The following GBF1 variants were observed in gnomAD, a reference collection of about 807,000 sequenced individuals.
GBF1 encodes golgi brefeldin A resistant guanine nucleotide exchange factor 1, also known as Golgi-specific brefeldin A-resistance guanine nucleotide exchange factor 1.
A neutral mutation model predicts 210.5 loss-of-function variants in GBF1; 114 were observed. The ratio of observed to expected loss-of-function variants is 0.54; its 90% CI spans 0.47 to 0.63. The LOEUF (loss-of-function observed/expected upper bound fraction) is 0.63, where lower values mean the gene tolerates loss of function less well. GBF1 is among the 30% of genes least tolerant of loss of function. GBF1 has a pLI of 0.00. For synonymous variants in GBF1, 850 were observed against 889.2 expected, an observed-to-expected ratio of 0.96 and a Z score of 0.78; for missense variants, 1,851 against 2,357.7, an observed-to-expected ratio of 0.79 and a Z score of 4.45.
At chr10:102,297,246 C>T (rs1431164901) in intron 3 of GBF1, among the ~76,000 whole-genome samples, 1 of 152,120 alleles carries the variant, frequency 6.6e-6, no homozygotes, top group African/African-American at 2.4e-5. Context: ...AAGTCCAGAG[C>T]ACTAAGCAAG....
At chr10:102,322,688 C>G (rs2056511213) in intron 3 of GBF1, among the ~76,000 whole-genome samples, 2 of 127,784 alleles carry the variant, frequency 1.6e-5, no homozygotes, top group African/African-American at 5.9e-5. Context: ...TTGAGACCAG[C>G]CTGGGCAACA....
At chr10:102,313,889 A>G (rs1384197947) in intron 3 of GBF1, among the ~76,000 whole-genome samples, 8 of 152,142 alleles carry the variant, frequency 5.3e-5, no homozygotes, top group Admixed American at 4.6e-4. Flanking sequence ...ACAAGGGCCA[A>G]AAGGAGGCTG....
chr10:102,309,625 T>C (rs2133958409), intron 3 of GBF1, among the ~76,000 whole-genome samples: 1 of 152,352 alleles, frequency 6.6e-6, no homozygotes, highest in African/African-American at 2.4e-5. Flanking sequence ...GAGGAGATTC[T>C]TGTGCACTGT....
Position 102,363,309 on chromosome 10 carries a change from G to A in GBF1, c.1930G>A (p.Gly644Ser). The change falls in exon 16 of 40, where the codon GGC (glycine) becomes AGC (serine). Residue 644 changes from glycine (G) to serine (S), a missense_variant. Physicochemically the swap from Gly to Ser is moderately conservative, Grantham distance 56. Coordinates refer to ENST00000369983, the MANE Select transcript of GBF1 (RefSeq NM_001377137.1). The surrounding 1 kb of genome is among the most constrained non-coding windows in gnomAD (Gnocchi z 4.2). Reference sequence around the variant, plus strand: ...TGTAGGCATGGCCTCAGACATCCCAGGCCTGCATCTGCCAGGTGGAGGGCG... The same window carrying A: ...TGTAGGCATGGCCTCAGACATCCCAAGCCTGCATCTGCCAGGTGGAGGGCG... The part of the protein sequence containing the change: ...KAVGMASDIP[G>S]LHLPGGGRLP... 1 of 1,613,902 alleles carries A rather than the reference G, an allele frequency of 6.2e-7. No homozygotes were observed. The highest frequency in any genetic ancestry group is 2.2e-5 in the East Asian group (1 of 44,888).
chr10:102,359,778 CT>C lies in GBF1; in HGVS notation c.1180+358del, dbSNP rs57877868. 4.0e-3 allele frequency among the ~76,000 whole-genome samples: 552 copies of C among 139,168 alleles called. 2 individuals carry two copies. The highest frequency in any genetic ancestry group is 0.011 in the Middle Eastern group (3 of 270). The allele number at this position is 139,168 out of a possible 152,430, so 91.3% of individuals were successfully genotyped here. On this transcript the variant is annotated intron_variant, in intron 11 of 39. Coordinates refer to ENST00000369983, the MANE Select transcript of GBF1 (RefSeq NM_001377137.1). ...CAGGAAAAAAAAAAAAATCCTTTTCCTTTTTTTTTTTTTTTCCTGTCGCCCA... is the reference window on the plus strand; with the variant it reads ...CAGGAAAAAAAAAAAAATCCTTTTCCTTTTTTTTTTTTTTCCTGTCGCCCA...
At chr10:102,292,314 TA>T (rs369664162) in intron 3 of GBF1, among the ~76,000 whole-genome samples, 18 of 151,536 alleles carry the variant, frequency 1.2e-4, no homozygotes, top group African/African-American at 2.2e-4. Context: ...AATTTAATGA[TA>T]AAAAAAATAA....
chr10:102,314,160 T>TTC (rs2078727771), intron 3 of GBF1, among the ~76,000 whole-genome samples: 3 of 150,544 alleles, frequency 2.0e-5, no homozygotes, highest in African/African-American at 7.3e-5. Context: ...TTTTTTTTTT[T>TTC]CTGGAGTCAG....
Position 102,294,519 on chromosome 10 carries a change from C to T in GBF1, c.163+34403C>T, listed in dbSNP as rs1338725268. Among the ~76,000 whole-genome samples the T allele has an allele frequency of 5.3e-5, 8 of 151,846 alleles. No homozygotes were observed. The East Asian group carries it at 1.2e-3, about 22-fold the overall frequency. On this transcript the variant is annotated intron_variant, in intron 3 of 39. Coordinates refer to ENST00000369983, the MANE Select transcript of GBF1 (RefSeq NM_001377137.1). ...GCCTCAGCCTCCTGAGTAGATGGGA[C>T]TACAGGCGCCTGTCACCACGCCCGG...
chr10:102,261,615 CTTTTTTTT>C (rs10711743), intron 3 of GBF1, among the ~76,000 whole-genome samples: 9 of 116,098 alleles, frequency 7.8e-5, no homozygotes, highest in Admixed American at 2.7e-4. Context: ...TTCTTTCTTT[CTTTTTTTT>C]TTTTTTTTTT....
chr10:102,250,695 G>A (rs1285563478), intron 1 of GBF1, among the ~76,000 whole-genome samples: 1 of 152,112 alleles, frequency 6.6e-6, no homozygotes, highest in Admixed American at 6.6e-5. Flanking sequence ...GGTAGCTCAT[G>A]CCTGTAATGC....
intron 3 of GBF1, among the ~76,000 whole-genome samples, chr10:102,310,873 G>A (rs906435464): frequency 4.6e-5 from 7 of 152,158 alleles, no homozygotes; most frequent in Non-Finnish European, 1.0e-4. Context: ...AAGCCATTTT[G>A]GTGTTGAATG....
chr10:102,376,673 T>C lies in GBF1; in HGVS notation c.4161T>C (p.Thr1387=), dbSNP rs962429928. The C allele has an allele frequency of 4.3e-6, 7 of 1,614,036 alleles. No individual in the cohort carries two copies. In the Admixed American group the frequency reaches 1.0e-4, roughly 23 times the overall value. Residue 1387 remains threonine, a synonymous_variant, in exon 32 of 40, where the codon ACT becomes ACC. Coordinates refer to ENST00000369983, the MANE Select transcript of GBF1 (RefSeq NM_001377137.1). ...GACTGGATTTGGGGCCACACGACAC[T>C]AAGTCTCTGCTTAAGTGTGTGGAAT... is the stretch of plus-strand genomic sequence containing the variant. The part of the protein sequence containing the change: ...TVGLDLGPHD[T]KSLLKCVESL...
rs146610126 is a variant in GBF1 at position 102,247,275 on chromosome 10, T to C, written c.-11+1494T>C. 4.6e-5 allele frequency among the ~76,000 whole-genome samples: 7 copies of C among 152,300 alleles called. No individual in the cohort carries two copies. In the East Asian group the frequency reaches 5.8e-4, roughly 13 times the overall value. ...CCTTCCTACCTTCGTCCTTATGAAA[T>C]TGAAATTTTTGTGTGTGTTGGGAGA... On this transcript the variant is annotated intron_variant, in intron 1 of 39. Transcript: ENST00000369983.
chr10:102,320,518 A>G (rs2056298063), intron 3 of GBF1, among the ~76,000 whole-genome samples: 1 of 152,058 alleles, frequency 6.6e-6, no homozygotes, highest in African/African-American at 2.4e-5. Flanking sequence ...TTTCTCAATT[A>G]GTCCCCCTGT....
At chr10:102,284,014 A>G (rs1400026845) in intron 3 of GBF1, among the ~76,000 whole-genome samples, 3 of 152,206 alleles carry the variant, frequency 2.0e-5, no homozygotes, top group Admixed American at 2.0e-4. Flanking sequence ...TTCTGCAACC[A>G]GTTTTGGTGA....
chr10:102,290,605 C>A (rs2076354935), intron 3 of GBF1, among the ~76,000 whole-genome samples: 2 of 152,180 alleles, frequency 1.3e-5, no homozygotes, highest in South Asian at 4.2e-4. Flanking sequence ...CTTAGGTGAT[C>A]CTCCATCTCA....
At chr10:102,277,286 G>A (rs1589454710) in intron 3 of GBF1, among the ~76,000 whole-genome samples, 1 of 152,052 alleles carries the variant, frequency 6.6e-6, no homozygotes, top group East Asian at 1.9e-4. Context: ...TCATGCCACT[G>A]CATTCCACCA....
chr10:102,287,669 T>C (rs960393645), intron 3 of GBF1, among the ~76,000 whole-genome samples: 2 of 152,166 alleles, frequency 1.3e-5, no homozygotes, highest in African/African-American at 4.8e-5. Context: ...AATGTGGGCC[T>C]CTCAATAGGA....
At chr10:102,318,681 C>G (rs530153513) in intron 3 of GBF1, among the ~76,000 whole-genome samples, 57 of 152,270 alleles carry the variant, frequency 3.7e-4, no homozygotes, top group South Asian at 8.3e-4. Flanking sequence ...ACTTCCCCCC[C>G]TTCAAGGTCC....
Sources: allele counts gnomAD v4.1 joint callset (sites outside exome capture counted in the v4.1 genomes callset), GRCh38; gene constraint gnomAD v4.1.1; non-coding constraint Gnocchi (gnomAD v3.1); transcripts MANE v1.5; gene names NCBI Gene and HGNC (gene_info 2026-07-23, HGNC 2026-07-21).